The following MAP3K21 variants were observed in gnomAD, a reference collection of about 807,000 sequenced individuals.
MAP3K21 encodes mitogen-activated protein kinase kinase kinase 21.
Under a neutral mutation model 86.1 loss-of-function variants are expected in MAP3K21, and 63 were observed. That is an observed-to-expected ratio of 0.73 (90% confidence interval 0.60 to 0.90). The LOEUF (loss-of-function observed/expected upper bound fraction) is 0.90. Ranked by LOEUF, MAP3K21 falls within the 40% of genes least tolerant of loss-of-function variation. MAP3K21 has a pLI of 0.00. For synonymous variants in MAP3K21, 558 were observed against 564.8 expected (o/e 0.99, Z 0.17); for missense variants, 1,220 against 1,367.7 (o/e 0.89, Z 1.70).
rs1334379589 is a variant in MAP3K21, at chr1:233,383,916, T to C, written c.*1205T>C. ...GATCAGGATTTAAATAATAAAATTA[T>C]CTATGAATCACTTTTATGGTCATAC... On this transcript the variant is annotated 3_prime_UTR_variant, in exon 10 of 10. Coordinates refer to ENST00000366624, the MANE Select transcript of MAP3K21 (RefSeq NM_032435.3). 6.6e-6 allele frequency: 1 copy of C among 152,202 alleles called. No individual in the cohort carries two copies. The highest frequency in any genetic ancestry group is 2.4e-5 in the African/African-American group (1 of 41,450). The allele number at this position is 152,202 out of a possible 1,614,324, so 9.4% of individuals were successfully genotyped here.
chr1:233,359,193 T>C (rs1270978526), intron 4 of MAP3K21, among the ~76,000 whole-genome samples: 2 of 152,218 alleles, frequency 1.3e-5, no homozygotes. Context: ...CATAATTATA[T>C]GTTGTATTAA....
intron 9 of MAP3K21, among the ~76,000 whole-genome samples, chr1:233,380,447 C>T (rs1331704289): frequency 6.6e-6 from 1 of 152,172 alleles, no homozygotes; most frequent in Non-Finnish European, 1.5e-5. Flanking sequence ...TCTGTACAGA[C>T]CCTATTCCAC....
intron 6 of MAP3K21, 153 bp from the exon 7 acceptor site, chr1:233,375,763 C>T (rs1017097145): frequency 3.4e-6 from 2 of 579,928 alleles, no homozygotes; most frequent in African/African-American, 2.0e-5. Flanking sequence ...AGAAACTTAC[C>T]AGAGATTGGG....
intron 4 of MAP3K21, among the ~76,000 whole-genome samples, chr1:233,360,620 C>T (rs563564557): frequency 1.1e-4 from 17 of 152,238 alleles, no homozygotes; most frequent in Admixed American, 5.9e-4. Context: ...CTAGTCTCTT[C>T]GTGATATTGT....
chr1:233,328,667 C>G lies in MAP3K21; in HGVS notation c.639C>G (p.Ala213=). Reference sequence around the variant, plus strand: ...GCGGAGCGCTCAACCGAGCGCTGGCCGCTGCCAACGCCGCCCCGGACCCGC... The same window carrying G: ...GCGGAGCGCTCAACCGAGCGCTGGCGGCTGCCAACGCCGCCCCGGACCCGC... The part of the protein sequence containing the change: ...ARGGALNRAL[A]AANAAPDPRA... Residue 213 remains alanine (A), a synonymous_variant, in exon 1 of 10, where the codon GCC becomes GCG. Transcript: ENST00000366624. The surrounding 1 kb of genome is among the most constrained non-coding windows in gnomAD (Gnocchi z 8.7). The G allele has an allele frequency of 2.3e-6, 3 of 1,330,760 alleles. No individual in the cohort carries two copies. In the South Asian group the frequency reaches 6.7e-5, roughly 30 times the overall value. 82.4% of individuals were successfully genotyped at this position (1,330,760 alleles called of 1,614,324 possible).
intron 6 of MAP3K21, chr1:233,372,792 G>A (rs1389338277): frequency 6.6e-6 from 1 of 152,146 alleles, no homozygotes; most frequent in Admixed American, 6.5e-5. Context: ...GGTGAGTCCA[G>A]ATAAACCCCT....
chr1:233,378,954 TC>T lies in MAP3K21; in HGVS notation c.1952del (p.Pro651LeufsTer4). On this transcript the variant is annotated frameshift_variant, in exon 9 of 10. Coordinates refer to ENST00000366624, the MANE Select transcript of MAP3K21 (RefSeq NM_032435.3). LOFTEE classifies it high-confidence loss of function. ...QPGSCEEPKL[S>X]PDGLEHRKPK... The stretch of plus-strand genomic sequence containing the variant: ...AGGGTCCTGTGAAGAGCCAAAACTT[TC>T]CCCTGATGGATTAGAACACAGAAAA... The T allele has an allele frequency of 6.2e-7, 1 of 1,612,522 alleles. No homozygotes were observed. Among genetic ancestry groups the T allele is most frequent in the Non-Finnish European group, 8.5e-7 (1 of 1,179,126 alleles).
chr1:233,361,395 T>C lies in MAP3K21; in HGVS notation c.1312-658T>C, dbSNP rs545416009. ...TATCAGCGGGATCTGAAAAGTTCTT[T>C]GTATACAGAATATATTTTCCTTTGG... On this transcript the variant is annotated intron_variant, in intron 4 of 9. Coordinates refer to ENST00000366624, the MANE Select transcript of MAP3K21 (RefSeq NM_032435.3). Among the ~76,000 whole-genome samples, 4 of 152,338 alleles carry C rather than the reference T, an allele frequency of 2.6e-5. No homozygotes were observed. In the East Asian group the frequency reaches 5.8e-4, roughly 22 times the overall value.
At chr1:233,364,182 T>C (rs1663523413) in intron 5 of MAP3K21, among the ~76,000 whole-genome samples, 1 of 126,774 alleles carries the variant, frequency 7.9e-6, no homozygotes, top group Admixed American at 8.7e-5. Context: ...AAGGTCCTTT[T>C]CCAGGCTCTC....
chr1:233,362,549 A>G (rs2102758931), intron 5 of MAP3K21, among the ~76,000 whole-genome samples: 1 of 152,308 alleles, frequency 6.6e-6, no homozygotes, highest in South Asian at 2.1e-4. Context: ...TTTCATATTG[A>G]TGGATTAACT....
intron 1 of MAP3K21, among the ~76,000 whole-genome samples, chr1:233,339,266 T>G (rs1662977129): frequency 4.0e-5 from 1 of 25,182 alleles, no homozygotes; most frequent in Admixed American, 5.6e-4. Flanking sequence ...TTCTTCTTCT[T>G]CCTCTTCTTC....
chr1:233,335,452 G>A (rs950268883), intron 1 of MAP3K21, among the ~76,000 whole-genome samples: 1 of 151,862 alleles, frequency 6.6e-6, no homozygotes, highest in Non-Finnish European at 1.5e-5. Flanking sequence ...ATTAGATGCC[G>A]AGCACTACTC....
intron 5 of MAP3K21, 101 bp downstream of exon 5, chr1:233,362,394 T>G: frequency 7.7e-7 from 1 of 1,295,016 alleles, no homozygotes; most frequent in Non-Finnish European, 1.1e-6. Context: ...GGAAGTAACT[T>G]TGTAAAACAG....
At chr1:233,371,437 T>G (rs980765120) in intron 5 of MAP3K21, among the ~76,000 whole-genome samples, 1 of 152,210 alleles carries the variant, frequency 6.6e-6, no homozygotes, top group Non-Finnish European at 1.5e-5. Context: ...CTCAGCTCAC[T>G]GTACCCTCCA....
At chr1:233,368,004 T>C (rs1389449151) in intron 5 of MAP3K21, among the ~76,000 whole-genome samples, 1 of 152,244 alleles carries the variant, frequency 6.6e-6, no homozygotes, top group African/African-American at 2.4e-5. Context: ...TTTGCTGCTC[T>C]CACCCGTGGC....
chr1:233,364,882 T>G (rs187398267), intron 5 of MAP3K21, among the ~76,000 whole-genome samples: 2 of 152,308 alleles, frequency 1.3e-5, no homozygotes, highest in African/African-American at 4.8e-5. Context: ...AGTTACCTCT[T>G]CTGCCCACAA....
At chr1:233,362,006 T>A in intron 4 of MAP3K21, 47 bp from the exon 5 acceptor site, 2 of 1,592,538 alleles carry the variant, frequency 1.3e-6, no homozygotes, top group Non-Finnish European at 1.7e-6. Flanking sequence ...CGGAATTCCC[T>A]TCTTCCTGCT....
chr1:233,363,809 C>A (rs1207205939), intron 5 of MAP3K21, among the ~76,000 whole-genome samples: 3 of 149,406 alleles, frequency 2.0e-5, no homozygotes, highest in Non-Finnish European at 4.4e-5. Flanking sequence ...GAGTTTGAGA[C>A]CAGACTGGGC....
intron 4 of MAP3K21, among the ~76,000 whole-genome samples, chr1:233,358,662 T>G (rs1663411172): frequency 6.6e-6 from 1 of 152,106 alleles, no homozygotes; most frequent in African/African-American, 2.4e-5. Context: ...GTGTGATGGC[T>G]TGCAGCTGTA....
Sources: allele counts gnomAD v4.1 joint callset (sites outside exome capture counted in the v4.1 genomes callset), GRCh38; gene constraint gnomAD v4.1.1; non-coding constraint Gnocchi (gnomAD v3.1); transcripts MANE v1.5; gene names NCBI Gene and HGNC (gene_info 2026-07-23, HGNC 2026-07-21).